Variants in BMPER observed in about 807,000 individuals in gnomAD.
BMPER encodes the protein BMP-binding endothelial regulator protein.
BMPER carries 45 observed loss-of-function variants against 87.3 expected under a neutral mutation model. The observed-to-expected ratio is 0.52, with a 90% CI of 0.41 to 0.66. The LOEUF is 0.66. Among genes scored for constraint, BMPER ranks in the 30% least tolerant of loss-of-function variants. The pLI is 0.00. For missense variants in BMPER, 784 were observed against 867.5 expected (o/e 0.90, Z 1.21); for synonymous variants, 326 against 316.2 (o/e 1.03, Z -0.33).
chr7:34,146,833 T>C (rs1791038934), intron 14 of BMPER, among the ~76,000 whole-genome samples: 1 of 152,188 alleles, frequency 6.6e-6, no homozygotes, highest in Non-Finnish European at 1.5e-5. Flanking sequence ...CTTATATTAG[T>C]GTCAACTAAT....
intron 3 of BMPER, among the ~76,000 whole-genome samples, chr7:33,945,243 CTTTT>C (rs376447828): frequency 2.4e-5 from 2 of 81,768 alleles, no homozygotes; most frequent in African/African-American, 9.8e-5. Context: ...GCCTGGACTT[CTTTT>C]TTTTTTTTTT....
intron 13 of BMPER, among the ~76,000 whole-genome samples, chr7:34,104,990 A>G (rs1789782783): frequency 6.6e-6 from 1 of 152,170 alleles, no homozygotes; most frequent in African/African-American, 2.4e-5. Flanking sequence ...ATTTTCAATG[A>G]TCTGTCTTCT....
intron 9 of BMPER, among the ~76,000 whole-genome samples, chr7:34,055,515 G>A (rs1009549129): frequency 7.9e-5 from 12 of 152,146 alleles, no homozygotes; most frequent in South Asian, 2.1e-4. Context: ...AGAATCAACC[G>A]TCTGAAAGAT....
chr7:34,135,012 C>A (rs1790685395), intron 13 of BMPER, among the ~76,000 whole-genome samples: 1 of 152,276 alleles, frequency 6.6e-6, no homozygotes, highest in Middle Eastern at 3.4e-3. Context: ...ATTTCTGGAG[C>A]TCCTGTGTGC....
At chr7:34,011,359 T>C (rs1024166756) in intron 6 of BMPER, among the ~76,000 whole-genome samples, 3 of 151,638 alleles carry the variant, frequency 2.0e-5, no homozygotes, top group Non-Finnish European at 3.0e-5. Flanking sequence ...CGAGGAATAA[T>C]GCTGTATCTT....
intron 6 of BMPER, among the ~76,000 whole-genome samples, chr7:33,997,262 C>T (rs565313703): frequency 8.5e-5 from 13 of 152,316 alleles, no homozygotes; most frequent in Admixed American, 7.8e-4. Flanking sequence ...CAGAGCTCCC[C>T]TCTGCCCTCA....
At chr7:33,921,110 C>T (rs1275134125) in intron 2 of BMPER, among the ~76,000 whole-genome samples, 1 of 152,126 alleles carries the variant, frequency 6.6e-6, no homozygotes, top group Non-Finnish European at 1.5e-5. Flanking sequence ...ACCCTTACTC[C>T]TCTCTCCTCT....
At chr7:34,006,195 G>A (rs1034610551) in intron 6 of BMPER, among the ~76,000 whole-genome samples, 4 of 151,896 alleles carry the variant, frequency 2.6e-5, no homozygotes, top group African/African-American at 9.7e-5. Flanking sequence ...AAATATGTTC[G>A]AAATAGGAAT....
rs62449752 is a variant in BMPER at position 34,086,746 on chromosome 7, C to A, written c.1745+654C>A. Among the ~76,000 whole-genome samples the A allele has an allele frequency of 5.8e-3, 889 of 152,284 alleles. 4 individuals are homozygous for A. The highest frequency in any genetic ancestry group is 0.021 in the Middle Eastern group (6 of 292). On this transcript the variant is annotated intron_variant, in intron 13 of 14. Coordinates refer to ENST00000649409, the MANE Select transcript of BMPER (RefSeq NM_001365308.1). ...TAACTCTTTTTAACCCCCTTCCACG[C>A]AAAGCAACTGGTTACAAAGGAGACT...
chr7:34,046,490 A>C, intron 7 of BMPER, 85 bp downstream of exon 7: 1 of 1,394,100 alleles, frequency 7.2e-7, no homozygotes, highest in Non-Finnish European at 1.0e-6. Flanking sequence ...TGTTGTTTTG[A>C]GATTCTCAAG....
At chr7:34,079,319 A>G (rs1199952443) in intron 12 of BMPER, 133 bp downstream of exon 12, 43 of 1,155,694 alleles carry the variant, frequency 3.7e-5, no homozygotes, top group Non-Finnish European at 4.8e-5. Context: ...CCAGGTTCCA[A>G]CTGCGGGACT....
intron 9 of BMPER, among the ~76,000 whole-genome samples, chr7:34,057,009 A>G (rs967602519): frequency 6.6e-6 from 1 of 152,142 alleles, no homozygotes; most frequent in African/African-American, 2.4e-5. Flanking sequence ...AGAAATGTGT[A>G]CTCAGAGAAC....
chr7:33,970,565 A>G (rs1355349199), intron 5 of BMPER, 146 bp downstream of exon 5: 1 of 861,232 alleles, frequency 1.2e-6, no homozygotes, highest in African/African-American at 1.7e-5. Context: ...TTGCATAGAA[A>G]TATCCGCTTG....
intron 6 of BMPER, among the ~76,000 whole-genome samples, chr7:34,033,894 G>A (rs1050293796): frequency 2.0e-5 from 3 of 152,216 alleles, no homozygotes; most frequent in Non-Finnish European, 4.4e-5. Context: ...AAAAGAAAAA[G>A]TCCTGAACTG....
At chr7:34,138,679 C>T (rs569733999) in intron 13 of BMPER, among the ~76,000 whole-genome samples, 22 of 152,136 alleles carry the variant, frequency 1.4e-4, no homozygotes, top group Non-Finnish European at 2.6e-4. Context: ...GGGCCTGATT[C>T]CTTTGTTATT....
Position 33,966,561 on chromosome 7 carries a change from G to A in BMPER, c.402G>A (p.Gln134=). Residue 134 remains glutamine (Q), a splice_region_variant and synonymous_variant, in exon 4 of 15, where the codon CAG becomes CAA. Transcript: ENST00000649409. ...PAEPCVLRQC[Q]EGVVTESGVR... ...AGCCTTGTGTTCTACGCCAGTGCCA[G>A]GTAAAGTTCAATTATTTCTCTCTCC... is the stretch of plus-strand genomic sequence containing the variant. 6.2e-7 allele frequency: 1 copy of A among 1,613,058 alleles called. No individual in the cohort carries two copies. The highest frequency in any genetic ancestry group is 8.5e-7 in the Non-Finnish European group (1 of 1,179,174).
At chr7:34,076,155 A>G (rs985931560) in intron 11 of BMPER, among the ~76,000 whole-genome samples, 17 of 152,098 alleles carry the variant, frequency 1.1e-4, no homozygotes, top group African/African-American at 4.1e-4. Context: ...GTCTCCCTGG[A>G]CATTCTCCAT....
At chr7:34,011,951 C>T (rs1380415499) in intron 6 of BMPER, among the ~76,000 whole-genome samples, 1 of 151,812 alleles carries the variant, frequency 6.6e-6, no homozygotes, top group Non-Finnish European at 1.5e-5. Flanking sequence ...AAGAATGCAT[C>T]CAGAGTTGAA....
At chr7:34,108,562 T>A (rs577365970) in intron 13 of BMPER, among the ~76,000 whole-genome samples, 284 of 152,330 alleles carry the variant, frequency 1.9e-3, no homozygotes, top group Middle Eastern at 6.8e-3. Context: ...GCTCTCTTAT[T>A]TAAGGGTGGA....
Sources: gnomAD v4.1 joint callset for allele counts (sites outside exome capture counted in the v4.1 genomes callset) on GRCh38, gnomAD v4.1.1 for gene constraint, MANE v1.5 for transcripts, NCBI Gene and HGNC (gene_info 2026-07-23, HGNC 2026-07-21) for gene names.